Variants in ACOT7 observed in about 807,000 individuals in gnomAD.
ACOT7 encodes the protein acyl-CoA thioesterase 7, also known as cytosolic acyl coenzyme A thioester hydrolase.
Under a neutral mutation model 40.2 loss-of-function variants are expected in ACOT7, and 12 were observed. That is an observed-to-expected ratio of 0.30 (90% CI 0.19 to 0.48). The LOEUF (loss-of-function observed/expected upper bound fraction) is 0.48, where lower values mean the gene tolerates loss of function less well. Among genes scored for constraint, ACOT7 ranks in the 20% least tolerant of loss-of-function variants. The pLI is 0.99. For synonymous variants in ACOT7, 228 were observed against 219.5 expected (o/e 1.04, Z -0.34); for missense variants, 395 against 530.8 (o/e 0.74, Z 2.51).
chr1:6,334,137 G>A (rs1641036254), intron 3 of ACOT7, among the ~76,000 whole-genome samples: 1 of 152,210 alleles, frequency 6.6e-6, no homozygotes, highest in Non-Finnish European at 1.5e-5. Flanking sequence ...AGGACTGATT[G>A]GCTGCAGGCA....
intron 1 of ACOT7, among the ~76,000 whole-genome samples, chr1:6,388,287 T>G (rs1642473663): frequency 6.6e-6 from 1 of 151,854 alleles, no homozygotes; most frequent in African/African-American, 2.4e-5. Flanking sequence ...TTTTTTGTAT[T>G]TTTAGTAGAG....
intron 8 of ACOT7, among the ~76,000 whole-genome samples, chr1:6,269,417 G>C (rs572860269): frequency 1.3e-5 from 2 of 152,280 alleles, no homozygotes; most frequent in South Asian, 2.1e-4. Flanking sequence ...GCCCTGCCCT[G>C]CCCTCAGCCA....
In ACOT7 at chr1:6,306,808, G is replaced by A. The variant is rs529771982; in HGVS notation, c.712+11684C>T. On this transcript the variant is annotated intron_variant, in intron 6 of 8. Coordinates refer to ENST00000361521, the MANE Select transcript of ACOT7 (RefSeq NM_007274.4). This position sits in a 1 kb window ranked among gnomAD's most constrained non-coding sequence, Gnocchi z 4.3. ...TGTCCCACGTAGCAGTGGGGGCTCCGGCCAAACAAGGTCACGGAATTGGAA... is the reference window on the plus strand; with the variant it reads ...TGTCCCACGTAGCAGTGGGGGCTCCAGCCAAACAAGGTCACGGAATTGGAA... The A allele has an allele frequency of 1.3e-4, 165 of 1,288,866 alleles. 1 individual carries two copies. The South Asian group carries it at 1.7e-3, about 13-fold the overall frequency. 79.8% of individuals were successfully genotyped at this position (1,288,866 alleles called of 1,614,324 possible). A position where few individuals can be genotyped will look rare whatever the true frequency, so the allele number is the denominator to read the frequency against.
chr1:6,348,672 C>T (rs1439949733), intron 2 of ACOT7, among the ~76,000 whole-genome samples: 1 of 152,198 alleles, frequency 6.6e-6, no homozygotes, highest in Non-Finnish European at 1.5e-5. Flanking sequence ...CGAAATCTGC[C>T]GGCGCCCTGA....
At chr1:6,270,948 T>C (rs114823835) in intron 8 of ACOT7, among the ~76,000 whole-genome samples, 1,947 of 151,668 alleles carry the variant, frequency 0.013, 50 homozygotes, top group African/African-American at 0.045. Context: ...GTGGGGAGGG[T>C]CCCAAGGTAG....
intron 3 of ACOT7, 129 bp downstream of exon 3, chr1:6,339,303 TG>T: frequency 7.8e-7 from 1 of 1,289,438 alleles, no homozygotes; most frequent in Non-Finnish European, 1.1e-6. Flanking sequence ...AGGGCCATGG[TG>T]GGAGGTGAGA....
chr1:6,381,019 T>A (rs948971336), intron 1 of ACOT7, among the ~76,000 whole-genome samples: 1 of 151,136 alleles, frequency 6.6e-6, no homozygotes, highest in South Asian at 2.1e-4. Flanking sequence ...AGAGAACTCC[T>A]AAAACGCAAC....
intron 1 of ACOT7, among the ~76,000 whole-genome samples, chr1:6,365,767 CAAAA>C (rs57082193): frequency 2.1e-5 from 3 of 142,992 alleles, no homozygotes; most frequent in Admixed American, 7.0e-5. Flanking sequence ...GACCCCATCT[CAAAA>C]AAAAAAAAAA....
At chr1:6,277,023 C>G (rs565927647) in intron 8 of ACOT7, among the ~76,000 whole-genome samples, 221 of 151,806 alleles carry the variant, frequency 1.5e-3, no homozygotes, top group Non-Finnish European at 2.4e-3. Flanking sequence ...CTGGAAGGGG[C>G]GGCCCCAGGA....
At chr1:6,357,469 A>G (rs1289605782) in intron 1 of ACOT7, among the ~76,000 whole-genome samples, 1 of 152,222 alleles carries the variant, frequency 6.6e-6, no homozygotes, top group Non-Finnish European at 1.5e-5. Context: ...CCAGAGGTCA[A>G]GCACCAGGTG....
intron 6 of ACOT7, among the ~76,000 whole-genome samples, chr1:6,309,777 A>C (rs952257112): frequency 3.9e-5 from 6 of 152,184 alleles, no homozygotes; most frequent in African/African-American, 1.4e-4. Flanking sequence ...CTATTTTGTA[A>C]ACGCTCCCCT....
At chr1:6,379,229 G>C (rs369718854) in intron 1 of ACOT7, among the ~76,000 whole-genome samples, 1 of 151,870 alleles carries the variant, frequency 6.6e-6, no homozygotes, top group Admixed American at 6.5e-5. Flanking sequence ...CTCCAGGTCA[G>C]AGATAAATGA....
intron 6 of ACOT7, among the ~76,000 whole-genome samples, chr1:6,296,455 G>A (rs867398958): frequency 1.3e-5 from 2 of 148,430 alleles, no homozygotes; most frequent in South Asian, 2.1e-4. Context: ...ACGGAGTCTC[G>A]CACTGTCGCC....
chr1:6,268,799 A>G (rs528238031), intron 8 of ACOT7, among the ~76,000 whole-genome samples: 2 of 152,330 alleles, frequency 1.3e-5, no homozygotes, highest in South Asian at 4.1e-4. Flanking sequence ...CGAGTCCCCT[A>G]ACGATCTGGC....
rs1455330345 is a variant in ACOT7 at position 6,274,083 on chromosome 1, G to C, written c.1014+7019C>G. ...AACGGGGCCCATGCGAGGACCCCAG[G>C]CCCCTCTGCACACCGTGCCTGGGGG... On this transcript the variant is annotated intron_variant, in intron 8 of 8. Coordinates refer to ENST00000361521, the MANE Select transcript of ACOT7 (RefSeq NM_007274.4). The surrounding 1 kb of genome is among the most constrained non-coding windows in gnomAD (Gnocchi z 5.9). 6.6e-6 allele frequency among the ~76,000 whole-genome samples: 1 copy of C among 152,172 alleles called. No homozygotes were observed. Among genetic ancestry groups the C allele is most frequent in the Non-Finnish European group, 1.5e-5 (1 of 68,020 alleles).
intron 6 of ACOT7, among the ~76,000 whole-genome samples, chr1:6,313,245 AT>A (rs1157381206): frequency 6.6e-6 from 1 of 152,214 alleles, no homozygotes; most frequent in Admixed American, 6.5e-5. Context: ...TGGGTTAGTA[AT>A]AAAAAGTCCC....
At chr1:6,333,385 A>G (rs2235693) in intron 4 of ACOT7, 92 bp downstream of exon 4, 120,345 of 1,432,430 alleles carry the variant, frequency 0.084, 12,279 homozygotes, top group African/African-American at 0.49. Context: ...TGCTCCCTTG[A>G]GACCCTTAGC....
Position 6,351,851 on chromosome 1 carries a change from G to A in ACOT7, c.144-1985C>T, listed in dbSNP as rs150574721. The stretch of plus-strand genomic sequence containing the variant: ...AGCAGCGGAGGAAGTGCTTTCATGC[G>A]GTGGGCACTGAAGACAGGACAGATA... On this transcript the variant is annotated intron_variant, in intron 1 of 8. Coordinates refer to ENST00000361521, the MANE Select transcript of ACOT7 (RefSeq NM_007274.4). Among the ~76,000 whole-genome samples the A allele has an allele frequency of 1.4e-4, 21 of 152,378 alleles. 1 individual carries two copies. In the East Asian group the frequency reaches 3.3e-3, roughly 24 times the overall value.
chr1:6,329,341 G>A (rs1483526984), intron 4 of ACOT7, among the ~76,000 whole-genome samples: 1 of 152,150 alleles, frequency 6.6e-6, no homozygotes, highest in East Asian at 1.9e-4. Context: ...AGTTGCAGTG[G>A]ATAATTCAAC....
Sources: gnomAD v4.1 joint callset for allele counts (sites outside exome capture counted in the v4.1 genomes callset) on GRCh38, gnomAD v4.1.1 for gene constraint, Gnocchi (gnomAD v3.1) non-coding constraint, MANE v1.5 for transcripts, NCBI Gene and HGNC (gene_info 2026-07-23, HGNC 2026-07-21) for gene names.